The following SCAPER variants were observed in gnomAD, a reference collection of about 807,000 sequenced individuals.
SCAPER encodes the protein S-phase cyclin A associated protein in the ER.
Under a neutral mutation model 182.2 loss-of-function variants are expected in SCAPER, and 98 were observed. That is an observed-to-expected ratio of 0.54 (90% CI 0.46 to 0.64). The LOEUF is 0.64. Among genes scored for constraint, SCAPER ranks in the 30% least tolerant of loss-of-function variants. The probability of loss-of-function intolerance (pLI) is 0.00; values close to 1 mark genes in which losing one functional copy is unlikely to be tolerated. For synonymous variants in SCAPER, 605 were observed against 564.6 expected, an observed-to-expected ratio of 1.07 and a Z score of -1.01; for missense variants, 1,432 against 1,690.0, an observed-to-expected ratio of 0.85 and a Z score of 2.68.
chr15:76,779,000 GATA>G (rs1568108136), intron 8 of SCAPER, among the ~76,000 whole-genome samples: 1 of 151,868 alleles, frequency 6.6e-6, no homozygotes, highest in Non-Finnish European at 1.5e-5. Flanking sequence ...AAATATATTG[GATA>G]ATGATAAAAA....
In SCAPER at chr15:76,665,763, A is replaced by C; in HGVS notation, c.2535T>G (p.Ile845Met). 6.5e-7 allele frequency: 1 copy of C among 1,538,112 alleles called. No homozygotes were observed. Among genetic ancestry groups the C allele is most frequent in the East Asian group, 2.4e-5 (1 of 41,472 alleles). ...CTGTACTTTCAACCACAATGTCAAT[A>C]ATGTACTTCTTCAAGGAAAGATGCT... ...EVEHLSLKKY[I>M]IDIVVESTAP... is the part of the protein sequence containing the mutation. The change falls in exon 21 of 32, where the codon ATT (isoleucine) becomes ATG (methionine). Residue 845 changes from isoleucine to methionine, a missense_variant. Coordinates refer to ENST00000563290, the MANE Select transcript of SCAPER (RefSeq NM_020843.4).
intron 1 of SCAPER, among the ~76,000 whole-genome samples, chr15:76,901,473 T>G (rs1397496474): frequency 2.0e-5 from 3 of 152,230 alleles, no homozygotes; most frequent in Non-Finnish European, 4.4e-5. Flanking sequence ...ATATGATGTC[T>G]GAAACCTGCT....
At chr15:76,359,843 G>C (rs1177714978) in intron 29 of SCAPER, among the ~76,000 whole-genome samples, 2 of 152,164 alleles carry the variant, frequency 1.3e-5, no homozygotes, top group Non-Finnish European at 2.9e-5. Flanking sequence ...ACTGAAGGAG[G>C]GCCTCAAAGT....
intron 16 of SCAPER, among the ~76,000 whole-genome samples, chr15:76,732,773 T>A (rs2060997007): frequency 6.6e-6 from 1 of 152,204 alleles, no homozygotes; most frequent in African/African-American, 2.4e-5. Flanking sequence ...TCATGTTCCA[T>A]CCTGTACACT....
chr15:76,634,672 GTAT>G (rs1299237281), intron 21 of SCAPER, among the ~76,000 whole-genome samples: 2 of 152,166 alleles, frequency 1.3e-5, no homozygotes, highest in South Asian at 2.1e-4. Context: ...CTGGTTAAAT[GTAT>G]TATTAATTAC....
intron 22 of SCAPER, among the ~76,000 whole-genome samples, chr15:76,575,100 C>T (rs1434730372): frequency 2.0e-5 from 3 of 152,158 alleles, no homozygotes; most frequent in Non-Finnish European, 1.5e-5. Flanking sequence ...CTTAGACAAA[C>T]CCCAGCCGTG....
intron 29 of SCAPER, among the ~76,000 whole-genome samples, chr15:76,369,858 C>T (rs2042032054): frequency 6.6e-6 from 1 of 152,194 alleles, no homozygotes; most frequent in Non-Finnish European, 1.5e-5. Flanking sequence ...GCATGGAGTA[C>T]AGCCATGAGC....
chr15:76,470,995 A>G lies in SCAPER; in HGVS notation c.3078+217T>C, dbSNP rs115586791. On this transcript the variant is annotated intron_variant, in intron 25 of 31. Transcript: ENST00000563290. ...GTTATAAGTCTATTATCCATTAAAT[A>G]TTGGAACTTAAAAGAATCCAATGCA... is the stretch of plus-strand genomic sequence containing the variant. The G allele has an allele frequency of 5.5e-3, 1,919 of 348,528 alleles. 38 individuals carry two copies. The highest frequency in any genetic ancestry group is 0.037 in the African/African-American group (1,739 of 47,232). The allele number at this position is 348,528 out of a possible 1,614,324, so 21.6% of individuals were successfully genotyped here.
At chr15:76,432,132 G>C (rs2046911297) in intron 26 of SCAPER, among the ~76,000 whole-genome samples, 1 of 152,232 alleles carries the variant, frequency 6.6e-6, no homozygotes, top group African/African-American at 2.4e-5. Flanking sequence ...AGCATGCAGG[G>C]TTGCTGCATC....
intron 4 of SCAPER, among the ~76,000 whole-genome samples, chr15:76,850,859 CAAAAA>C (rs59202490): frequency 2.2e-5 from 2 of 90,052 alleles, no homozygotes; most frequent in Non-Finnish European, 4.6e-5. Flanking sequence ...GACTCTGTCT[CAAAAA>C]AAAAAAAAAA....
At chr15:76,901,083 A>T (rs1392313008) in intron 1 of SCAPER, among the ~76,000 whole-genome samples, 1 of 152,166 alleles carries the variant, frequency 6.6e-6, no homozygotes, top group Non-Finnish European at 1.5e-5. Flanking sequence ...AGTAGTTTGT[A>T]GCCAGGTGTG....
intron 17 of SCAPER, among the ~76,000 whole-genome samples, chr15:76,725,189 A>T (rs2060507866): frequency 6.6e-6 from 1 of 152,172 alleles, no homozygotes; most frequent in Non-Finnish European, 1.5e-5. Context: ...ATATCATAAA[A>T]TGTGTACAAA....
At chr15:76,642,670 C>CT (rs1303622846) in intron 21 of SCAPER, among the ~76,000 whole-genome samples, 1 of 152,078 alleles carries the variant, frequency 6.6e-6, no homozygotes, top group Non-Finnish European at 1.5e-5. Flanking sequence ...GATGTTATTC[C>CT]TTTTATTATC....
chr15:76,387,155 GA>G (rs1277265698), intron 27 of SCAPER, among the ~76,000 whole-genome samples: 1 of 152,202 alleles, frequency 6.6e-6, no homozygotes, highest in Non-Finnish European at 1.5e-5. Context: ...AAAGAGGAGT[GA>G]AAAATGGCTC....
Position 76,348,058 on chromosome 15 carries a change from T to TA in SCAPER, c.*574dup, listed in dbSNP as rs2040297967. 6.6e-6 allele frequency: 1 copy of TA among 152,258 alleles called. No individual in the cohort carries two copies. The highest frequency in any genetic ancestry group is 2.4e-5 in the African/African-American group (1 of 41,462). 9.4% of individuals were successfully genotyped at this position (152,258 alleles called of 1,614,324 possible). ...GCAATGCCAAGAGAGGATTATCTGC[T>TA]AGGAGAGTTCGGGCAGACCAATGAA... On this transcript the variant is annotated 3_prime_UTR_variant, in exon 32 of 32. Coordinates refer to ENST00000563290, the MANE Select transcript of SCAPER (RefSeq NM_020843.4).
chr15:76,854,200 C>T (rs1168363641), intron 4 of SCAPER, among the ~76,000 whole-genome samples: 1 of 151,684 alleles, frequency 6.6e-6, no homozygotes, highest in South Asian at 2.1e-4. Flanking sequence ...ACCCAGGAGG[C>T]GGAGGTTGTG....
chr15:76,765,463 A>G lies in SCAPER; in HGVS notation c.1496-9T>C, dbSNP rs200793584. ...GCGCCAAGACTCACGAGCTGTTCAG[A>G]AAAAAATACTATTATTGTTTAGCCA... is the stretch of plus-strand genomic sequence containing the variant. On this transcript the variant is annotated splice_polypyrimidine_tract_variant and intron_variant, in intron 12 of 31. Coordinates refer to ENST00000563290, the MANE Select transcript of SCAPER (RefSeq NM_020843.4). 9.2e-4 allele frequency: 1,482 copies of G among 1,612,400 alleles called. 6 individuals are homozygous for G. Among genetic ancestry groups the G allele is most frequent in the Non-Finnish European group, 9.7e-4 (1,147 of 1,178,862 alleles).
At chr15:76,856,738 T>C (rs2151858846) in intron 4 of SCAPER, among the ~76,000 whole-genome samples, 1 of 152,108 alleles carries the variant, frequency 6.6e-6, no homozygotes, top group East Asian at 1.9e-4. Context: ...CACAGTGGTG[T>C]ACACTTGTGG....
intron 2 of SCAPER, among the ~76,000 whole-genome samples, chr15:76,876,216 T>C (rs1333062066): frequency 6.6e-6 from 1 of 151,984 alleles, no homozygotes; most frequent in African/African-American, 2.4e-5. Flanking sequence ...CCCGGCAAGC[T>C]GAGGGAGCCG....
Sources: allele counts gnomAD v4.1 joint callset (sites outside exome capture counted in the v4.1 genomes callset), GRCh38; gene constraint gnomAD v4.1.1; transcripts MANE v1.5; gene names NCBI Gene and HGNC (gene_info 2026-07-23, HGNC 2026-07-21).